XKR9: variants seen among roughly 807,000 people sequenced by gnomAD.
XKR9 encodes the protein XK related 9.
In XKR9, 32 loss-of-function variants were observed where a neutral mutation model predicts 32.0. The ratio of observed to expected loss-of-function variants is 1.00; its 90% confidence interval spans 0.76 to 1.34. XKR9 has a LOEUF of 1.34. Ranked by LOEUF, XKR9 falls within the 40% of genes most tolerant of loss-of-function variation. The probability of loss-of-function intolerance (pLI) is 0.00; values close to 1 mark genes in which losing one functional copy is unlikely to be tolerated. For synonymous variants in XKR9, 168 were observed against 143.4 expected, an observed-to-expected ratio of 1.17 and a Z score of -1.22; for missense variants, 546 against 429.7, an observed-to-expected ratio of 1.27 and a Z score of -2.39.
At chr8:70,879,976 C>G in the XKR9 span, among the ~76,000 whole-genome samples, 1 of 152,152 alleles carries the variant, frequency 6.6e-6, no homozygotes, top group Admixed American at 6.5e-5. Flanking sequence ...TCAACATATG[C>G]AAATCAATAA....
Position 70,734,534 on chromosome 8 carries a change from ATTAGT to A in XKR9, c.*112_*116del. The A allele has an allele frequency of 7.4e-7, 1 of 1,347,408 alleles. No individual in the cohort carries two copies. The highest frequency in any genetic ancestry group is 9.5e-7 in the Non-Finnish European group (1 of 1,048,612). The allele number at this position is 1,347,408 out of a possible 1,614,324, so 83.5% of individuals were successfully genotyped here. On this transcript the variant is annotated 3_prime_UTR_variant, in exon 5 of 5. Coordinates refer to ENST00000408926, the MANE Select transcript of XKR9 (RefSeq NM_001011720.2). The stretch of plus-strand genomic sequence containing the variant: ...TTATTTTTGCCACCTTTAATTTGAA[ATTAGT>A]TCAGTGAAATAGGAGATACATAGTA...
intron 3 of XKR9, chr8:70,683,572 C>T (rs886219039): frequency 2.2e-6 from 1 of 450,992 alleles, no homozygotes; most frequent in Non-Finnish European, 4.5e-6. Context: ...ATTGCAGCCT[C>T]CACCTCCTTG....
intron 3 of XKR9, among the ~76,000 whole-genome samples, chr8:70,698,042 A>G (rs1218882134): frequency 6.6e-6 from 1 of 152,044 alleles, no homozygotes; most frequent in Non-Finnish European, 1.5e-5. Flanking sequence ...CCCCTTTATC[A>G]TTTTTTATTT....
At chr8:70,759,339 T>A (rs879365304) in intron 2 of XKR9, among the ~76,000 whole-genome samples, 2 of 152,032 alleles carry the variant, frequency 1.3e-5, no homozygotes, top group African/African-American at 2.4e-5. Context: ...ATAATAGCTA[T>A]TTTAGAAAGG....
At chr8:70,963,036 G>C in the XKR9 span, among the ~76,000 whole-genome samples, 3 of 152,202 alleles carry the variant, frequency 2.0e-5, no homozygotes, top group Admixed American at 6.5e-5. Flanking sequence ...AGGTAAACAT[G>C]TGCCTTGGTG....
chr8:70,673,098 G>A (rs759641347), intron 1 of XKR9, among the ~76,000 whole-genome samples: 19 of 152,104 alleles, frequency 1.2e-4, no homozygotes, highest in Non-Finnish European at 1.9e-4. Flanking sequence ...TATTTTAGTC[G>A]TATGTGCTTT....
At chr8:70,958,570 A>G in the XKR9 span, among the ~76,000 whole-genome samples, 1 of 152,108 alleles carries the variant, frequency 6.6e-6, no homozygotes, top group South Asian at 2.1e-4. Context: ...TGTAGATTTA[A>G]GTTCCTTGTA....
At chr8:70,831,521 C>T in the XKR9 span, among the ~76,000 whole-genome samples, 1 of 151,756 alleles carries the variant, frequency 6.6e-6, no homozygotes, top group African/African-American at 2.4e-5. Context: ...AAAGACTTCT[C>T]CTTCATCTCT....
chr8:70,809,682 G>A, the XKR9 span, among the ~76,000 whole-genome samples: 2 of 152,236 alleles, frequency 1.3e-5, no homozygotes, highest in Non-Finnish European at 2.9e-5. Context: ...TCAACTGGAA[G>A]AAAGGGTATC....
At chr8:70,967,065 C>CT in the XKR9 span, among the ~76,000 whole-genome samples, 193 of 101,274 alleles carry the variant, frequency 1.9e-3, 10 homozygotes, top group East Asian at 0.014. Context: ...GATCTTGACT[C>CT]TTTTTTTTTT....
chr8:70,765,976 C>T (rs746544128), intron 2 of XKR9, among the ~76,000 whole-genome samples: 6 of 152,022 alleles, frequency 3.9e-5, no homozygotes, highest in South Asian at 2.1e-4. Context: ...ATGTCTGTTT[C>T]GGTAACAGTC....
At chr8:71,004,466 A>G in the XKR9 span, among the ~76,000 whole-genome samples, 1 of 152,240 alleles carries the variant, frequency 6.6e-6, no homozygotes, top group Non-Finnish European at 1.5e-5. Context: ...CAATTGTAAG[A>G]TGGGCCAAAT....
chr8:70,896,550 GT>G, the XKR9 span, among the ~76,000 whole-genome samples: 60 of 141,004 alleles, frequency 4.3e-4, 1 homozygote, highest in Middle Eastern at 3.8e-3. Context: ...CGTATGTTCT[GT>G]TTTTTTTTTT....
chr8:70,734,038 G>T lies in XKR9; in HGVS notation c.736G>T (p.Ala246Ser). The change falls in exon 5 of 5, where the codon GCA becomes TCA. Residue 246 changes from alanine (A) to serine (S), a missense_variant. Physicochemically the swap from Ala to Ser is moderately conservative, Grantham distance 99 (BLOSUM62 1). Coordinates refer to ENST00000408926, the MANE Select transcript of XKR9 (RefSeq NM_001011720.2). ...TCTTTGGTTGTTAGGTATAATATGG[G>T]CATTTAAAAACAACACCCAGTTTTG... Reference protein sequence around the residue: ...LFLWLLGIIWAFKNNTQFCTC... With the variant: ...LFLWLLGIIWSFKNNTQFCTC... 1 of 1,613,292 alleles carries T rather than the reference G, an allele frequency of 6.2e-7. No individual in the cohort carries two copies. Among genetic ancestry groups the T allele is most frequent in the South Asian group, 1.1e-5 (1 of 90,922 alleles).
At chr8:70,715,876 G>A (rs1806070805) in intron 4 of XKR9, among the ~76,000 whole-genome samples, 1 of 151,976 alleles carries the variant, frequency 6.6e-6, no homozygotes, top group Non-Finnish European at 1.5e-5. Context: ...AAGTATGAGG[G>A]TAGAATTAGG....
the XKR9 span, among the ~76,000 whole-genome samples, chr8:70,899,705 G>C: frequency 6.6e-6 from 1 of 152,116 alleles, no homozygotes; most frequent in Non-Finnish European, 1.5e-5. Context: ...CCTTTTGGCT[G>C]TAAGTGTCAC....
At chr8:71,048,750 T>G in the XKR9 span, among the ~76,000 whole-genome samples, 1 of 152,240 alleles carries the variant, frequency 6.6e-6, no homozygotes, top group African/African-American at 2.4e-5. Context: ...TTATTTATAA[T>G]AAGTGAATCA....
the XKR9 span, among the ~76,000 whole-genome samples, chr8:71,051,531 GT>G: frequency 3.7e-4 from 21 of 56,910 alleles, no homozygotes; most frequent in Non-Finnish European, 6.7e-4. Context: ...GTGGTGGGGT[GT>G]GTGTGTGTGT....
the XKR9 span, among the ~76,000 whole-genome samples, chr8:70,981,427 G>C: frequency 6.6e-6 from 1 of 151,898 alleles, no homozygotes; most frequent in Non-Finnish European, 1.5e-5. Context: ...TGTTCAGTTC[G>C]ATTGCTGAGA....
Sources: gnomAD v4.1 joint callset for allele counts (sites outside exome capture counted in the v4.1 genomes callset) on GRCh38, gnomAD v4.1.1 for gene constraint, MANE v1.5 for transcripts, NCBI Gene and HGNC (gene_info 2026-07-23, HGNC 2026-07-21) for gene names.